LRRTM4: variants seen among roughly 807,000 people sequenced by gnomAD.
LRRTM4 encodes leucine rich repeat transmembrane neuronal 4, also known as leucine-rich repeat transmembrane neuronal protein 4.
A neutral mutation model predicts 47.6 loss-of-function variants in LRRTM4; 25 were observed. The observed-to-expected ratio is 0.53, with a 90% confidence interval of 0.38 to 0.73. The LOEUF is 0.73. Among genes scored for constraint, LRRTM4 ranks in the 30% least tolerant of loss-of-function variants. The pLI, the probability that LRRTM4 is intolerant of heterozygous loss-of-function variation, is 0.00. For missense variants in LRRTM4, 638 were observed against 713.4 expected (o/e 0.89, Z 1.20); for synonymous variants, 311 against 269.5 (o/e 1.15, Z -1.51).
At chr2:76,775,285 T>A (rs1222141048) in intron 3 of LRRTM4, among the ~76,000 whole-genome samples, 3 of 152,204 alleles carry the variant, frequency 2.0e-5, no homozygotes, top group Admixed American at 1.3e-4. Context: ...CATGGTTATC[T>A]TCCACAACAT....
intron 3 of LRRTM4, among the ~76,000 whole-genome samples, chr2:77,446,313 AGAAG>A (rs1481581466): frequency 6.6e-6 from 1 of 151,982 alleles, no homozygotes; most frequent in East Asian, 1.9e-4. Context: ...TCTTCCCACT[AGAAG>A]TGTTGCACAT....
chr2:77,178,688 G>A (rs1673267978), intron 3 of LRRTM4, among the ~76,000 whole-genome samples: 1 of 151,820 alleles, frequency 6.6e-6, no homozygotes, highest in African/African-American at 2.4e-5. Context: ...CTTTTCTTAT[G>A]TAGCTATAAA....
chr2:77,195,433 G>A (rs550078442), intron 3 of LRRTM4, among the ~76,000 whole-genome samples: 6 of 151,986 alleles, frequency 3.9e-5, no homozygotes, highest in African/African-American at 9.6e-5. Flanking sequence ...ACCATTACAC[G>A]TATATTTAAT....
intron 3 of LRRTM4, among the ~76,000 whole-genome samples, chr2:76,797,423 T>G (rs1312267539): frequency 6.6e-6 from 1 of 151,614 alleles, no homozygotes; most frequent in East Asian, 1.9e-4. Flanking sequence ...GCTGAGAGAT[T>G]TTGTCACCAC....
intron 3 of LRRTM4, among the ~76,000 whole-genome samples, chr2:77,274,438 C>T (rs1158873145): frequency 6.6e-6 from 1 of 152,124 alleles, no homozygotes; most frequent in African/African-American, 2.4e-5. Flanking sequence ...ATCCATATCT[C>T]TTATGGGAAG....
intron 3 of LRRTM4, among the ~76,000 whole-genome samples, chr2:77,251,810 T>G (rs1319443210): frequency 6.6e-6 from 1 of 152,138 alleles, no homozygotes; most frequent in Non-Finnish European, 1.5e-5. Context: ...CATGGTATTT[T>G]GTTGGCAAAT....
At chr2:77,155,947 C>G (rs905314069) in intron 3 of LRRTM4, among the ~76,000 whole-genome samples, 4 of 152,046 alleles carry the variant, frequency 2.6e-5, no homozygotes, top group African/African-American at 4.8e-5. Context: ...TATGAATTAA[C>G]CTGACTGAAT....
intron 3 of LRRTM4, among the ~76,000 whole-genome samples, chr2:77,455,699 T>G (rs1160409688): frequency 6.6e-6 from 1 of 152,124 alleles, no homozygotes; most frequent in Non-Finnish European, 1.5e-5. Flanking sequence ...GTCCTCATCC[T>G]TCATCTGTCC....
chr2:77,438,029 A>C (rs1264882702), intron 3 of LRRTM4, among the ~76,000 whole-genome samples: 2 of 152,164 alleles, frequency 1.3e-5, no homozygotes, highest in Non-Finnish European at 2.9e-5. Flanking sequence ...TCTTGTACTA[A>C]ATTTCTTTAG....
intron 3 of LRRTM4, among the ~76,000 whole-genome samples, chr2:77,219,477 C>A (rs1674556772): frequency 6.6e-6 from 1 of 152,220 alleles, no homozygotes; most frequent in African/African-American, 2.4e-5. Flanking sequence ...AAAACAGAAA[C>A]ACGATTTAAC....
intron 3 of LRRTM4, among the ~76,000 whole-genome samples, chr2:77,501,090 T>G (rs1428533858): frequency 6.6e-6 from 1 of 150,898 alleles, no homozygotes; most frequent in Non-Finnish European, 1.5e-5. Context: ...AACAAGATAG[T>G]GGGAAAGAAC....
intron 3 of LRRTM4, among the ~76,000 whole-genome samples, chr2:77,345,819 CAT>C (rs919148577): frequency 4.7e-5 from 7 of 150,402 alleles, no homozygotes; most frequent in East Asian, 2.0e-4. Flanking sequence ...TGAGGAAAAA[CAT>C]ATATATATAT....
At chr2:76,916,363 C>A (rs1247006266) in intron 3 of LRRTM4, among the ~76,000 whole-genome samples, 1 of 114,226 alleles carries the variant, frequency 8.8e-6, no homozygotes, top group East Asian at 2.6e-4. Context: ...CCAGCCTGGG[C>A]GACAGAGCGA....
In LRRTM4 at chr2:76,894,739, T is replaced by C. The variant is rs1235664532; in HGVS notation, c.1552-145823A>G. On this transcript the variant is annotated intron_variant, in intron 3 of 3. Coordinates refer to ENST00000409884, the MANE Select transcript of LRRTM4 (RefSeq NM_001134745.3). ...TTCAACCCTGGAAAACTGACTTGAT[T>C]GTAAATTTGCTCACCGAATATCTGT... Among the ~76,000 whole-genome samples, 3 of 151,950 alleles carry C rather than the reference T, an allele frequency of 2.0e-5. No homozygotes were observed. In the East Asian group the frequency reaches 5.8e-4, roughly 29 times the overall value.
At chr2:76,975,310 A>G (rs1447221310) in intron 3 of LRRTM4, among the ~76,000 whole-genome samples, 2 of 151,806 alleles carry the variant, frequency 1.3e-5, no homozygotes, top group African/African-American at 4.8e-5. Context: ...AGTTTAGGCA[A>G]GAAGGATTCA....
rs544189716 is a variant in LRRTM4 at position 76,779,817 on chromosome 2, G to C, written c.1552-30901C>G. ...GATCTTATCATTATGATGTTAGCTG[G>C]TTATTTTGCTCGTTAGTTGATGCAG... is the stretch of plus-strand genomic sequence containing the variant. On this transcript the variant is annotated intron_variant, in intron 3 of 3. Transcript: ENST00000409884. Among the ~76,000 whole-genome samples, 48 of 152,190 alleles carry C rather than the reference G, an allele frequency of 3.2e-4. No individual in the cohort carries two copies. The East Asian group carries it at 8.7e-3, about 28-fold the overall frequency.
intron 3 of LRRTM4, among the ~76,000 whole-genome samples, chr2:76,758,220 C>T (rs1673130624): frequency 6.6e-6 from 1 of 152,124 alleles, no homozygotes; most frequent in Non-Finnish European, 1.5e-5. Flanking sequence ...CTCCCAATGC[C>T]TCCAATCTGA....
intron 3 of LRRTM4, among the ~76,000 whole-genome samples, chr2:76,986,587 C>T (rs1573406967): frequency 6.6e-6 from 1 of 152,006 alleles, no homozygotes; most frequent in Non-Finnish European, 1.5e-5. Context: ...AAAGATTTAT[C>T]TTGCTACTGA....
Position 77,407,652 on chromosome 2 carries a change from A to C in LRRTM4, c.1551+110666T>G, listed in dbSNP as rs979675405. Among the ~76,000 whole-genome samples, 5 of 135,666 alleles carry C rather than the reference A, an allele frequency of 3.7e-5. No individual in the cohort carries two copies. In the East Asian group the frequency reaches 8.1e-4, roughly 22 times the overall value. The allele number at this position is 135,666 out of a possible 152,430, so 89.0% of individuals were successfully genotyped here. The stretch of plus-strand genomic sequence containing the variant: ...GATATATTATTATATAATATATATT[A>C]TATAATTATATATAATAATTATATA... On this transcript the variant is annotated intron_variant, in intron 3 of 3. Coordinates refer to ENST00000409884, the MANE Select transcript of LRRTM4 (RefSeq NM_001134745.3).
Sources: allele counts gnomAD v4.1 joint callset (sites outside exome capture counted in the v4.1 genomes callset), GRCh38; gene constraint gnomAD v4.1.1; transcripts MANE v1.5; gene names NCBI Gene and HGNC (gene_info 2026-07-23, HGNC 2026-07-21).